Variants in PRKAR1B observed in about 807,000 individuals in gnomAD.
PRKAR1B encodes cAMP-dependent protein kinase type I-beta regulatory subunit.
Under a neutral mutation model 46.5 loss-of-function variants are expected in PRKAR1B, and 22 were observed. The observed-to-expected ratio is 0.47, with a 90% confidence interval of 0.34 to 0.68. The LOEUF is 0.68. PRKAR1B is among the 30% of genes least tolerant of loss of function. PRKAR1B has a pLI of 0.01. For synonymous variants in PRKAR1B, 259 were observed against 217.7 expected (o/e 1.19, Z -1.67); for missense variants, 445 against 535.6 (o/e 0.83, Z 1.67).
At chr7:556,201 C>A (rs534475226) in intron 9 of PRKAR1B, among the ~76,000 whole-genome samples, 4 of 152,226 alleles carry the variant, frequency 2.6e-5, no homozygotes, top group Admixed American at 6.5e-5. Context: ...CAGGTGGGGG[C>A]ATTCGTGCTT....
At chr7:691,895 A>T (rs911610208) in intron 2 of PRKAR1B, 2 of 1,121,918 alleles carry the variant, frequency 1.8e-6, no homozygotes, top group African/African-American at 1.6e-5. Context: ...AATGGCACAG[A>T]CGCCTCCCTG....
At chr7:642,633 G>A (rs866286048) in intron 4 of PRKAR1B, among the ~76,000 whole-genome samples, 1 of 151,106 alleles carries the variant, frequency 6.6e-6, no homozygotes, top group Non-Finnish European at 1.5e-5. Flanking sequence ...GCTGAGGCAG[G>A]AGAATGGCGT....
At chr7:583,452 C>T (rs1169645104) in intron 8 of PRKAR1B, among the ~76,000 whole-genome samples, 2 of 146,298 alleles carry the variant, frequency 1.4e-5, no homozygotes, top group Admixed American at 1.4e-4. Flanking sequence ...CACACTCACA[C>T]CCACTCACAC....
intron 4 of PRKAR1B, among the ~76,000 whole-genome samples, chr7:635,055 T>C (rs1783969355): frequency 6.6e-6 from 1 of 152,218 alleles, no homozygotes; most frequent in South Asian, 2.1e-4. Context: ...AAATGCTGAG[T>C]GGCAAAGGGT....
chr7:634,124 G>A (rs766697886), intron 4 of PRKAR1B, among the ~76,000 whole-genome samples: 6 of 152,152 alleles, frequency 3.9e-5, no homozygotes, highest in Admixed American at 3.3e-4. Flanking sequence ...CCAGGTTCAC[G>A]CCATTCTCCT....
intron 9 of PRKAR1B, among the ~76,000 whole-genome samples, chr7:556,354 A>C (rs1778432823): frequency 6.8e-6 from 1 of 146,282 alleles, no homozygotes; most frequent in Non-Finnish European, 1.5e-5. Context: ...ACCCCCAAAC[A>C]CAGCTTCACT....
At chr7:553,202 C>G (rs184597080) in intron 9 of PRKAR1B, among the ~76,000 whole-genome samples, 110 of 152,350 alleles carry the variant, frequency 7.2e-4, no homozygotes, top group African/African-American at 2.5e-3. Context: ...GACACTAGAG[C>G]CGCTGGGAAG....
At position 705,988 on chromosome 7, in the gene PRKAR1B, T is replaced by A. The variant is rs185106164; in HGVS notation, c.177+5341A>T. 3.4e-3 allele frequency among the ~76,000 whole-genome samples: 512 copies of A among 152,104 alleles called. 5 individuals are homozygous for A. Among genetic ancestry groups the A allele is most frequent in the African/African-American group, 0.012 (500 of 41,494 alleles). On this transcript the variant is annotated intron_variant, in intron 2 of 10. Coordinates refer to ENST00000537384, the MANE Select transcript of PRKAR1B (RefSeq NM_001164760.2). ...TTGCAGTGAGCTGAGACTGTGCCAC[T>A]GCTCTCCAGCCTGGGCAACAAGAGT...
At chr7:708,904 T>C (rs1369851615) in intron 2 of PRKAR1B, among the ~76,000 whole-genome samples, 3 of 150,834 alleles carry the variant, frequency 2.0e-5, no homozygotes, top group Non-Finnish European at 4.4e-5. Flanking sequence ...CCAATTCTCC[T>C]GCCTCAGCCT....
At chr7:554,249 G>A (rs1012656030) in intron 9 of PRKAR1B, among the ~76,000 whole-genome samples, 2 of 130,940 alleles carry the variant, frequency 1.5e-5, no homozygotes, top group Non-Finnish European at 3.1e-5. Context: ...TGAGAATTCG[G>A]TGCGAGAAAA....
Position 579,383 on chromosome 7 carries a change from G to T in PRKAR1B, c.770-6C>A. The T allele has an allele frequency of 1.9e-6, 3 of 1,612,972 alleles. No individual in the cohort carries two copies. The highest frequency in any genetic ancestry group is 2.5e-6 in the Non-Finnish European group (3 of 1,179,962). On this transcript the variant is annotated splice_region_variant and splice_polypyrimidine_tract_variant and intron_variant, in intron 8 of 10. Coordinates refer to ENST00000537384, the MANE Select transcript of PRKAR1B (RefSeq NM_001164760.2). ...CTCCCACTTCTCCAGGGACTCTGTC[G>T]GGGGAGGATGAGGACAGGTCATCCC...
chr7:678,350 A>G (rs1336904075), intron 3 of PRKAR1B, among the ~76,000 whole-genome samples: 2 of 152,230 alleles, frequency 1.3e-5, no homozygotes, highest in Non-Finnish European at 2.9e-5. Context: ...GGAACCACAT[A>G]TATGCAATCT....
At chr7:694,965 G>A (rs536785797) in intron 2 of PRKAR1B, among the ~76,000 whole-genome samples, 219 of 151,744 alleles carry the variant, frequency 1.4e-3, no homozygotes, top group African/African-American at 5.2e-3. Flanking sequence ...GAACCCAGGA[G>A]GCGGAAGTTG....
intron 6 of PRKAR1B, among the ~76,000 whole-genome samples, chr7:604,881 G>A (rs1387594779): frequency 6.6e-6 from 1 of 152,048 alleles, no homozygotes; most frequent in East Asian, 1.9e-4. Flanking sequence ...AAGGAGAAGG[G>A]CAGGCAGGCA....
chr7:705,966 C>T (rs1490245657), intron 2 of PRKAR1B, among the ~76,000 whole-genome samples: 1 of 151,788 alleles, frequency 6.6e-6, no homozygotes, highest in Non-Finnish European at 1.5e-5. Context: ...GCAGAGGTTG[C>T]AGTGAGCTGA....
chr7:691,662 T>C, intron 2 of PRKAR1B: 2 of 1,296,328 alleles, frequency 1.5e-6, no homozygotes, highest in African/African-American at 1.5e-5. Context: ...TCCAGGGAGC[T>C]GTTGGAAACC....
At position 727,102 on chromosome 7, in the gene PRKAR1B, C is replaced by T. The variant is rs998645747; in HGVS notation, c.-23+108G>A. On this transcript the variant is annotated intron_variant, in intron 1 of 10. Transcript: ENST00000537384. Reference sequence around the variant, plus strand: ...CGCGCTCGCCGCGCGCTTGGCCGGCCCCGTGCCCGCGCGCCGCCCGCCCGA... The same window carrying T: ...CGCGCTCGCCGCGCGCTTGGCCGGCTCCGTGCCCGCGCGCCGCCCGCCCGA... 1.8e-4 allele frequency: 196 copies of T among 1,084,758 alleles called. No individual in the cohort carries two copies. Among genetic ancestry groups the T allele is most frequent in the Non-Finnish European group, 2.1e-4 (191 of 897,476 alleles). 67.2% of individuals were successfully genotyped at this position (1,084,758 alleles called of 1,614,324 possible).
At chr7:679,822 T>C (rs1283634044) in intron 3 of PRKAR1B, among the ~76,000 whole-genome samples, 1 of 151,838 alleles carries the variant, frequency 6.6e-6, no homozygotes. Flanking sequence ...GATGGGGTCA[T>C]GAGAGAAGGG....
chr7:603,939 G>T (rs1322034705), intron 6 of PRKAR1B, among the ~76,000 whole-genome samples: 1 of 151,108 alleles, frequency 6.6e-6, no homozygotes, highest in Non-Finnish European at 1.5e-5. Flanking sequence ...ATAAGTAGTA[G>T]CATGAGATTT....
Sources: allele counts gnomAD v4.1 joint callset (sites outside exome capture counted in the v4.1 genomes callset), GRCh38; gene constraint gnomAD v4.1.1; transcripts MANE v1.5; gene names NCBI Gene and HGNC (gene_info 2026-07-23, HGNC 2026-07-21).